Variants in CFAP20DC observed in about 807,000 individuals in gnomAD.
CFAP20DC encodes protein CFAP20DC.
In CFAP20DC, 84 loss-of-function variants were observed where a neutral mutation model predicts 101.7. The ratio of observed to expected loss-of-function variants is 0.83; its 90% CI spans 0.69 to 0.99. The LOEUF is 0.99. Among genes scored for constraint, CFAP20DC ranks in the 50% least tolerant of loss-of-function variants. CFAP20DC has a pLI of 0.00. For synonymous variants in CFAP20DC, 359 were observed against 351.2 expected (o/e 1.02, Z -0.25); for missense variants, 1,007 against 970.3 (o/e 1.04, Z -0.50).
At chr3:59,024,929 A>C (rs538744493) in intron 4 of CFAP20DC, among the ~76,000 whole-genome samples, 1 of 152,304 alleles carries the variant, frequency 6.6e-6, no homozygotes, top group Non-Finnish European at 1.5e-5. Flanking sequence ...CATATCAAAA[A>C]AGGGAGTGCA....
intron 6 of CFAP20DC, among the ~76,000 whole-genome samples, chr3:58,895,995 T>C (rs2082641579): frequency 6.6e-6 from 1 of 152,174 alleles, no homozygotes; most frequent in Non-Finnish European, 1.5e-5. Context: ...ACCAGATCCA[T>C]CCCACAACAT....
chr3:58,848,441 C>G (rs1006890283), intron 13 of CFAP20DC, among the ~76,000 whole-genome samples: 6 of 152,072 alleles, frequency 3.9e-5, no homozygotes, highest in Admixed American at 1.3e-4. Flanking sequence ...CATTTGTTCT[C>G]TAGTTTCTAA....
rs757245451 is a variant in CFAP20DC, at chr3:58,867,887, T to C, written c.1065A>G (p.Ala355=). ...ATCTTCTTCTGTTATTATTCTTATCTGCTGATGGTTCTTGAGGGGGATGCG... is the reference window on the plus strand; with the variant it reads ...ATCTTCTTCTGTTATTATTCTTATCCGCTGATGGTTCTTGAGGGGGATGCG... ...MHPHPPQEPS[A]DKNNNRRRLR... Residue 355 remains alanine, a synonymous_variant, in exon 10 of 17, where the codon GCA becomes GCG. Transcript: ENST00000482387. 4 of 1,613,496 alleles carry C rather than the reference T, an allele frequency of 2.5e-6. No homozygotes were observed. In the East Asian group the frequency reaches 8.9e-5, roughly 36 times the overall value.
chr3:58,823,237 G>A (rs766823432), intron 14 of CFAP20DC, among the ~76,000 whole-genome samples: 4 of 151,644 alleles, frequency 2.6e-5, no homozygotes, highest in Non-Finnish European at 5.9e-5. Flanking sequence ...ATCCAGGGTG[G>A]GTGAGAAAAA....
intron 5 of CFAP20DC, among the ~76,000 whole-genome samples, chr3:58,933,088 A>C (rs1426796715): frequency 1.3e-5 from 2 of 152,158 alleles, no homozygotes; most frequent in African/African-American, 2.4e-5. Flanking sequence ...TCTACCAAGC[A>C]AATGGAAAAC....
At chr3:58,774,631 A>G (rs1575606722) in intron 15 of CFAP20DC, among the ~76,000 whole-genome samples, 1 of 152,250 alleles carries the variant, frequency 6.6e-6, no homozygotes, top group Non-Finnish European at 1.5e-5. Flanking sequence ...TCAGGAAAAG[A>G]CACGCCAGGC....
At chr3:58,997,928 G>GA (rs2093188842) in intron 4 of CFAP20DC, among the ~76,000 whole-genome samples, 1 of 152,178 alleles carries the variant, frequency 6.6e-6, no homozygotes, top group African/African-American at 2.4e-5. Flanking sequence ...AGATCCCATA[G>GA]AAGGCAAGGT....
At chr3:58,930,785 G>T (rs1260090252) in intron 5 of CFAP20DC, among the ~76,000 whole-genome samples, 1 of 152,030 alleles carries the variant, frequency 6.6e-6, no homozygotes, top group African/African-American at 2.4e-5. Flanking sequence ...AAGCAGGACT[G>T]GCAGCCAAGA....
At chr3:58,806,365 T>C (rs1224781705) in intron 15 of CFAP20DC, 30 bp downstream of exon 15, 1 of 1,443,530 alleles carries the variant, frequency 6.9e-7, no homozygotes, top group Non-Finnish European at 9.7e-7. Context: ...TTTTTTTTTT[T>C]CTTAAATGTA....
intron 6 of CFAP20DC, among the ~76,000 whole-genome samples, chr3:58,904,945 G>C (rs543234872): frequency 4.6e-5 from 7 of 152,268 alleles, no homozygotes; most frequent in Admixed American, 4.6e-4. Context: ...TAAATAAATA[G>C]CCAATCTTTA....
rs918157208 is a variant in CFAP20DC, at chr3:58,892,366, T to G, written c.551-7657A>C. 1.3e-5 allele frequency among the ~76,000 whole-genome samples: 2 copies of G among 152,240 alleles called. No homozygotes were observed. Among genetic ancestry groups the G allele is most frequent in the Admixed American group, 6.5e-5 (1 of 15,282 alleles). On this transcript the variant is annotated intron_variant, in intron 6 of 16. Transcript: ENST00000482387. This position sits in a 1 kb window ranked among gnomAD's most constrained non-coding sequence, Gnocchi z 4.0. ...TTAAAGTAGTTTCTTTCTAATTCTG[T>G]GAAGAACATCAATGGCAGTTTAATG...
chr3:58,741,499 AT>A (rs570289689), downstream of CFAP20DC, among the ~76,000 whole-genome samples: 971 of 142,638 alleles, frequency 6.8e-3, 2 homozygotes, highest in South Asian at 0.013. Flanking sequence ...TTGTCAAAAT[AT>A]TTTTTTTTTT....
intron 4 of CFAP20DC, among the ~76,000 whole-genome samples, chr3:58,977,575 T>G (rs1486010821): frequency 6.6e-6 from 1 of 152,132 alleles, no homozygotes; most frequent in African/African-American, 2.4e-5. Context: ...TTTTCTGGTA[T>G]CCTGTATCTC....
rs891501809 is a variant in CFAP20DC at position 58,913,493 on chromosome 3, C to T, written c.550+215G>A. On this transcript the variant is annotated intron_variant, in intron 6 of 16. Transcript: ENST00000482387. This position sits in a 1 kb window ranked among gnomAD's most constrained non-coding sequence, Gnocchi z 4.4. ...TTACCATAAAGAAAAAAGAAAACAA[C>T]CACAAAAAGAAGATTAATACCTTTT... is the stretch of plus-strand genomic sequence containing the variant. 1.6e-6 allele frequency: 1 copy of T among 608,642 alleles called. No homozygotes were observed. The highest frequency in any genetic ancestry group is 2.9e-6 in the Non-Finnish European group (1 of 346,450). 37.7% of individuals were successfully genotyped at this position (608,642 alleles called of 1,614,324 possible). A position where few individuals can be genotyped will look rare whatever the true frequency, so the allele number is the denominator to read the frequency against.
At chr3:58,739,842 A>C (rs1175542881), downstream of CFAP20DC, among the ~76,000 whole-genome samples, 1 of 152,246 alleles carries the variant, frequency 6.6e-6, no homozygotes, top group Non-Finnish European at 1.5e-5. Context: ...ACTGGGAAGC[A>C]CATCTATTTT....
At chr3:58,962,814 T>A (rs923203797) in intron 4 of CFAP20DC, among the ~76,000 whole-genome samples, 6 of 152,002 alleles carry the variant, frequency 3.9e-5, no homozygotes, top group African/African-American at 1.4e-4. Context: ...CTCTTTTCAG[T>A]CTCTCCAGAA....
intron 4 of CFAP20DC, among the ~76,000 whole-genome samples, chr3:58,950,091 A>G (rs1035196109): frequency 6.6e-6 from 1 of 152,192 alleles, no homozygotes; most frequent in African/African-American, 2.4e-5. Context: ...TACAAAATCA[A>G]TGTGCAAAAA....
In CFAP20DC at chr3:58,914,824, G is replaced by T. The variant is rs187167611; in HGVS notation, c.394-960C>A. On this transcript the variant is annotated intron_variant, in intron 5 of 16. Transcript: ENST00000482387. The surrounding 1 kb of genome is among the most constrained non-coding windows in gnomAD (Gnocchi z 4.9). ...GAAATACATTATTTATTAAATACATGAAGAGTATTTTCTATGTAGATGTCT... is the reference window on the plus strand; with the variant it reads ...GAAATACATTATTTATTAAATACATTAAGAGTATTTTCTATGTAGATGTCT... 124 of 152,098 alleles carry T rather than the reference G, an allele frequency of 8.2e-4. No individual in the cohort carries two copies. Among genetic ancestry groups the T allele is most frequent in the Middle Eastern group, 3.4e-3 (1 of 294 alleles). 9.4% of individuals were successfully genotyped at this position (152,098 alleles called of 1,614,324 possible). A position where few individuals can be genotyped will look rare whatever the true frequency, so the allele number is the denominator to read the frequency against.
At position 58,886,607 on chromosome 3, in the gene CFAP20DC, G is replaced by A. The variant is rs377277940; in HGVS notation, c.551-1898C>T. Among the ~76,000 whole-genome samples the A allele has an allele frequency of 5.8e-4, 88 of 151,998 alleles. 1 individual carries two copies. The highest frequency in any genetic ancestry group is 3.4e-3 in the Middle Eastern group (1 of 294). ...GCTGGGCATAGTCCCAGCCACCCAG[G>A]AAGCTGAGGTGAGAGAATCACCTGA... On this transcript the variant is annotated intron_variant, in intron 6 of 16. Coordinates refer to ENST00000482387, the MANE Select transcript of CFAP20DC (RefSeq NM_001394063.1).
Sources: allele counts gnomAD v4.1 joint callset (sites outside exome capture counted in the v4.1 genomes callset), GRCh38; gene constraint gnomAD v4.1.1; non-coding constraint Gnocchi (gnomAD v3.1); transcripts MANE v1.5; gene names NCBI Gene and HGNC (gene_info 2026-07-23, HGNC 2026-07-21).